CNTNAP2: variants seen among roughly 807,000 people sequenced by gnomAD.
The protein encoded by CNTNAP2 is contactin-associated protein-like 2.
Under a neutral mutation model 155.2 loss-of-function variants are expected in CNTNAP2, and 98 were observed. The observed-to-expected ratio is 0.63, with a 90% CI of 0.54 to 0.75. CNTNAP2 has a LOEUF of 0.75. Among genes scored for constraint, CNTNAP2 ranks in the 30% least tolerant of loss-of-function variants. The pLI is 0.00. For missense variants in CNTNAP2, 1,727 were observed against 1,688.1 expected, an observed-to-expected ratio of 1.02 and a Z score of -0.40; for synonymous variants, 651 against 631.2, an observed-to-expected ratio of 1.03 and a Z score of -0.47.
chr7:148,054,058 T>C (rs1351928084), intron 15 of CNTNAP2, among the ~76,000 whole-genome samples: 1 of 150,600 alleles, frequency 6.6e-6, no homozygotes, highest in Non-Finnish European at 1.5e-5. Context: ...CTGCAAACTC[T>C]GCCTCCCGGG....
chr7:146,352,916 G>C (rs529638695), intron 1 of CNTNAP2, among the ~76,000 whole-genome samples: 4 of 151,338 alleles, frequency 2.6e-5, no homozygotes, highest in Middle Eastern at 6.8e-3. Context: ...CACCACGCCC[G>C]GCTAATTTTT....
intron 3 of CNTNAP2, among the ~76,000 whole-genome samples, chr7:147,010,016 T>C (rs888461725): frequency 1.3e-5 from 2 of 150,710 alleles, no homozygotes; most frequent in Non-Finnish European, 3.0e-5. Flanking sequence ...TCTTTTTTTT[T>C]TTTTTTTTTT....
chr7:146,170,975 C>T (rs1230529058), intron 1 of CNTNAP2, among the ~76,000 whole-genome samples: 7 of 151,876 alleles, frequency 4.6e-5, no homozygotes, highest in African/African-American at 1.7e-4. Flanking sequence ...TACAGTGAGC[C>T]GAGATTGCGC....
intron 10 of CNTNAP2, among the ~76,000 whole-genome samples, chr7:147,431,144 G>A (rs752997604): frequency 1.8e-4 from 28 of 151,742 alleles, no homozygotes; most frequent in Non-Finnish European, 3.1e-4. Context: ...CTGGCTTGTT[G>A]AATTCATGAT....
intron 10 of CNTNAP2, among the ~76,000 whole-genome samples, chr7:147,453,633 C>T (rs2116573359): frequency 6.6e-6 from 1 of 152,276 alleles, no homozygotes; most frequent in Admixed American, 6.5e-5. Context: ...TGTACAGTAA[C>T]ACTCGTGTAA....
chr7:147,494,448 T>C (rs1032009026), intron 11 of CNTNAP2, among the ~76,000 whole-genome samples: 2 of 141,502 alleles, frequency 1.4e-5, no homozygotes, highest in Admixed American at 7.2e-5. Context: ...CAAAAATATG[T>C]CTTTCTCTTT....
intron 2 of CNTNAP2, among the ~76,000 whole-genome samples, chr7:146,790,216 G>C (rs565434828): frequency 1.3e-5 from 2 of 152,186 alleles, no homozygotes; most frequent in Non-Finnish European, 1.5e-5. Context: ...CTTCTCTATA[G>C]ATTATTTAAG....
At chr7:146,591,155 CA>C (rs1798776778) in intron 1 of CNTNAP2, among the ~76,000 whole-genome samples, 1 of 152,158 alleles carries the variant, frequency 6.6e-6, no homozygotes, top group Admixed American at 6.6e-5. Flanking sequence ...AAATTACCTT[CA>C]GGCTGTGTGT....
intron 1 of CNTNAP2, among the ~76,000 whole-genome samples, chr7:146,426,246 A>G (rs999541598): frequency 6.7e-6 from 1 of 150,250 alleles, no homozygotes; most frequent in Non-Finnish European, 1.5e-5. Context: ...GTGTCATTAT[A>G]CAAGTACCCA....
At chr7:146,467,286 A>G (rs1203504534) in intron 1 of CNTNAP2, among the ~76,000 whole-genome samples, 1 of 152,200 alleles carries the variant, frequency 6.6e-6, no homozygotes, top group African/African-American at 2.4e-5. Context: ...AAGAAAAACT[A>G]ATACAAAAAC....
intron 23 of CNTNAP2, 82 bp from the exon 24 acceptor site, chr7:148,415,335 C>T (rs1799956407): frequency 2.8e-6 from 4 of 1,407,386 alleles, no homozygotes; most frequent in Non-Finnish European, 4.0e-6. Context: ...CTGTGTCTGA[C>T]GGAGCTGTAG....
intron 1 of CNTNAP2, among the ~76,000 whole-genome samples, chr7:146,467,766 A>T (rs1186614154): frequency 6.6e-6 from 1 of 152,174 alleles, no homozygotes; most frequent in Non-Finnish European, 1.5e-5. Context: ...TTGATCTAGT[A>T]CTCACATAAC....
chr7:147,630,830 A>G (rs980004553), intron 12 of CNTNAP2, among the ~76,000 whole-genome samples: 3 of 152,160 alleles, frequency 2.0e-5, no homozygotes, highest in East Asian at 1.9e-4. Flanking sequence ...CCTCAATGTA[A>G]TAAAAACCAT....
intron 1 of CNTNAP2, among the ~76,000 whole-genome samples, chr7:146,669,807 A>G (rs1328200212): frequency 6.6e-6 from 1 of 151,514 alleles, no homozygotes; most frequent in African/African-American, 2.4e-5. Flanking sequence ...CTTTTTTTAA[A>G]CTTTAGTGTA....
rs1298719884 is a variant in CNTNAP2, at chr7:147,287,708, G to A, written c.1349-12433G>A. On this transcript the variant is annotated intron_variant, in intron 8 of 23. Transcript: ENST00000361727. ...TGCCTACCTGATATCTCTACTTGGTGATCTAACAGATTCGCCCAACCTCGA... is the reference window on the plus strand; with the variant it reads ...TGCCTACCTGATATCTCTACTTGGTAATCTAACAGATTCGCCCAACCTCGA... 2.0e-5 allele frequency among the ~76,000 whole-genome samples: 3 copies of A among 151,980 alleles called. No individual in the cohort carries two copies. The East Asian group carries it at 5.8e-4, about 29-fold the overall frequency.
intron 11 of CNTNAP2, among the ~76,000 whole-genome samples, chr7:147,492,953 A>G (rs1798635559): frequency 6.6e-6 from 1 of 151,852 alleles, no homozygotes; most frequent in Admixed American, 6.6e-5. Context: ...TCAATGAGAT[A>G]TTGTTTATTA....
intron 18 of CNTNAP2, among the ~76,000 whole-genome samples, chr7:148,201,406 C>T (rs1459639749): frequency 6.6e-6 from 1 of 152,172 alleles, no homozygotes; most frequent in African/African-American, 2.4e-5. Context: ...ACCTCATCAC[C>T]ATTTTTCTAA....
At chr7:146,883,204 T>A (rs963534205) in intron 3 of CNTNAP2, among the ~76,000 whole-genome samples, 1 of 152,168 alleles carries the variant, frequency 6.6e-6, no homozygotes, top group Non-Finnish European at 1.5e-5. Context: ...TTTTTCAAAA[T>A]TTTTATTTAT....
chr7:148,354,683 C>CTTTTT lies in CNTNAP2; in HGVS notation c.3476-28957_3476-28953dup, dbSNP rs78922300. Reference sequence around the variant, plus strand: ...TGGGACAACTTCCCTAAAAGGCTTTCTTTTTTTTTTTTTAACCACTTTTCC... The same window carrying CTTTTT: ...TGGGACAACTTCCCTAAAAGGCTTTCTTTTTTTTTTTTTTTTTTAACCACTTTTCC... On this transcript the variant is annotated intron_variant, in intron 21 of 23. Coordinates refer to ENST00000361727, the MANE Select transcript of CNTNAP2 (RefSeq NM_014141.6). Among the ~76,000 whole-genome samples, 189 of 145,068 alleles carry CTTTTT rather than the reference C, an allele frequency of 1.3e-3. 2 individuals carry two copies. Among genetic ancestry groups the CTTTTT allele is most frequent in the Middle Eastern group, 7.2e-3 (2 of 278 alleles).
Sources: gnomAD v4.1 joint callset for allele counts (sites outside exome capture counted in the v4.1 genomes callset) on GRCh38, gnomAD v4.1.1 for gene constraint, MANE v1.5 for transcripts, NCBI Gene and HGNC (gene_info 2026-07-23, HGNC 2026-07-21) for gene names.